Variants in ZNF395 observed in about 807,000 individuals in gnomAD.
The protein encoded by ZNF395 is HD gene regulatory region-binding protein 2.
ZNF395 carries 20 observed loss-of-function variants against 57.7 expected under a neutral mutation model. That is an observed-to-expected ratio of 0.35 (90% CI 0.24 to 0.50). ZNF395 has a LOEUF of 0.50. Ranked by LOEUF, ZNF395 falls within the 20% of genes least tolerant of loss-of-function variation. The pLI is 0.97. For synonymous variants in ZNF395, 295 were observed against 275.9 expected, an observed-to-expected ratio of 1.07 and a Z score of -0.69; for missense variants, 606 against 671.2, an observed-to-expected ratio of 0.90 and a Z score of 1.07.
intron 1 of ZNF395, among the ~76,000 whole-genome samples, chr8:28,378,821 G>C (rs527990769): frequency 6.6e-6 from 1 of 152,246 alleles, no homozygotes; most frequent in African/African-American, 2.4e-5. Flanking sequence ...AGCCCTACTT[G>C]AATACCGCCA....
intron 1 of ZNF395, among the ~76,000 whole-genome samples, chr8:28,380,942 G>T (rs1035276046): frequency 2.6e-5 from 4 of 151,752 alleles, no homozygotes; most frequent in African/African-American, 9.7e-5. Context: ...ACCTTCTGCA[G>T]GGCTCAAGCA....
At chr8:28,360,022 G>A (rs1326349233) in intron 2 of ZNF395, among the ~76,000 whole-genome samples, 198 bp from the exon 3 acceptor site, 2 of 152,158 alleles carry the variant, frequency 1.3e-5, no homozygotes, top group Non-Finnish European at 2.9e-5. Flanking sequence ...TTCCTCCCAA[G>A]ACAGATCCTT....
intron 1 of ZNF395, among the ~76,000 whole-genome samples, chr8:28,380,182 CTG>C (rs1185578471): frequency 6.6e-6 from 1 of 152,184 alleles, no homozygotes; most frequent in Non-Finnish European, 1.5e-5. Context: ...TGAATAATCT[CTG>C]TGCATAAATC....
chr8:28,378,931 C>T (rs1456542815), intron 1 of ZNF395, among the ~76,000 whole-genome samples: 3 of 152,188 alleles, frequency 2.0e-5, no homozygotes, highest in Non-Finnish European at 1.5e-5. Flanking sequence ...ATCTGCTGTC[C>T]CAGTCTTTCG....
rs1801782243 is a variant in ZNF395 at position 28,356,605 on chromosome 8, G to A, written c.583+65C>T. ...GGTGACATAGGCAACTAGCTGCTCT[G>A]CACAGAGGATGTTTGTCGTGGGCCT... On this transcript the variant is annotated intron_variant, in intron 4 of 9. Transcript: ENST00000344423. This position sits in a 1 kb window ranked among gnomAD's most constrained non-coding sequence, Gnocchi z 4.0. 2.4e-6 allele frequency: 3 copies of A among 1,274,884 alleles called. No homozygotes were observed. Among genetic ancestry groups the A allele is most frequent in the African/African-American group, 2.9e-5 (2 of 68,076 alleles). 79.0% of individuals were successfully genotyped at this position (1,274,884 alleles called of 1,614,324 possible).
intron 9 of ZNF395, 108 bp from the exon 10 acceptor site, chr8:28,348,938 C>CA (rs752610121): frequency 1.5e-5 from 19 of 1,275,528 alleles, no homozygotes; most frequent in Non-Finnish European, 2.1e-5. Flanking sequence ...CAGCTCCCGG[C>CA]AAAAGTCACC....
rs770184167 is a variant in ZNF395 at position 28,360,891 on chromosome 8, C to T, written c.234G>A (p.Gly78=). 8 of 1,613,694 alleles carry T rather than the reference C, an allele frequency of 5.0e-6. No homozygotes were observed. In the Admixed American group the frequency reaches 1.3e-4, roughly 27 times the overall value. The change falls in exon 2 of 10, where the codon GGG becomes GGA. Residue 78 remains glycine (G), a synonymous_variant. Transcript: ENST00000344423. The stretch of plus-strand genomic sequence containing the variant: ...CATGTTGGGATCAACCTACCTTCTG[C>T]CCAGGCTGAAAGGCCACCTGCTGAA... ...SGLQQVAFQP[G]QKVYVWYGGQ...
At chr8:28,351,836 AG>A (rs779802138) in intron 6 of ZNF395, 29 bp from the exon 7 acceptor site, 2 of 1,521,318 alleles carry the variant, frequency 1.3e-6, no homozygotes, top group South Asian at 2.5e-5. Context: ...CGGTATAATC[AG>A]GGGCACCCTG....
chr8:28,376,827 C>T (rs1239917165), intron 1 of ZNF395, among the ~76,000 whole-genome samples: 1 of 152,192 alleles, frequency 6.6e-6, no homozygotes, highest in Non-Finnish European at 1.5e-5. Flanking sequence ...TAGGTCCTGC[C>T]TATGCTTTTC....
intron 4 of ZNF395, among the ~76,000 whole-genome samples, chr8:28,355,746 T>A (rs1801771197): frequency 6.6e-6 from 1 of 152,232 alleles, no homozygotes. Flanking sequence ...CAGCTAGGTG[T>A]CCTCATAATG....
In ZNF395 at chr8:28,352,590, G is replaced by T. The variant is rs201835524; in HGVS notation, c.903C>A (p.Val301=). Residue 301 remains valine (V), a synonymous_variant, in exon 6 of 10, where the codon GTC becomes GTA. Transcript: ENST00000344423. The surrounding 1 kb of genome is among the most constrained non-coding windows in gnomAD (Gnocchi z 4.0). The part of the protein sequence containing the change: ...LRSIVGIKRH[V]KALHLGDTVD... ...GCACATACCCCAGATGGAGGGCTTT[G>T]ACGTGTCGTTTGATGCCCACAATGG... The T allele has an allele frequency of 9.6e-5, 155 of 1,614,150 alleles. No individual in the cohort carries two copies. Among genetic ancestry groups the T allele is most frequent in the Non-Finnish European group, 6.8e-6 (8 of 1,180,010 alleles).
chr8:28,348,925 G>T, intron 9 of ZNF395, 95 bp from the exon 10 acceptor site: 1 of 1,376,612 alleles, frequency 7.3e-7, no homozygotes, highest in East Asian at 2.3e-5. Context: ...GAGGCCAAAG[G>T]GGCAGCTCCC....
rs1802181366 is a variant in ZNF395, at chr8:28,386,329, G to GC, written c.-59+63dup. On this transcript the variant is annotated intron_variant, in intron 1 of 9. Transcript: ENST00000344423. ...CGACACTCGGGACACACCCCCGCCCGCCCCCCGCGCCTCCGCGCCCCCGCA... is the reference window on the plus strand; with the variant it reads ...CGACACTCGGGACACACCCCCGCCCGCCCCCCCGCGCCTCCGCGCCCCCGCA... 5.5e-5 allele frequency: 4 copies of GC among 72,276 alleles called. No homozygotes were observed. The South Asian group carries it at 1.9e-3, about 35-fold the overall frequency. 4.5% of individuals were successfully genotyped at this position (72,276 alleles called of 1,614,324 possible). A position where few individuals can be genotyped will look rare whatever the true frequency, so the allele number is the denominator to read the frequency against.
Position 28,348,706 on chromosome 8 carries a change from C to T in ZNF395, c.*13G>A, listed in dbSNP as rs1343350744. The T allele has an allele frequency of 1.5e-5, 24 of 1,612,578 alleles. No homozygotes were observed. Among genetic ancestry groups the T allele is most frequent in the Non-Finnish European group, 2.0e-5 (23 of 1,178,950 alleles). On this transcript the variant is annotated 3_prime_UTR_variant, in exon 10 of 10. Coordinates refer to ENST00000344423, the MANE Select transcript of ZNF395 (RefSeq NM_018660.3). ...CGGCAGGGCCAGGAACAGAGTAGAA[C>T]CTGCAGCACAGCTCAGTCCAGAAAG...
chr8:28,350,294 C>G, intron 7 of ZNF395, 138 bp from the exon 8 acceptor site: 1 of 711,348 alleles, frequency 1.4e-6, no homozygotes, highest in South Asian at 1.7e-5. Context: ...CTGGGACACA[C>G]TCGGCTTTCT....
intron 1 of ZNF395, among the ~76,000 whole-genome samples, chr8:28,383,252 A>G (rs1802131558): frequency 1.3e-5 from 2 of 152,176 alleles, no homozygotes; most frequent in South Asian, 4.1e-4. Flanking sequence ...AGATGTTGCA[A>G]GTTGAGGCTT....
Position 28,361,200 on chromosome 8 carries a change from C to T in ZNF395, c.-58-18G>A. 1 of 1,598,194 alleles carries T rather than the reference C, an allele frequency of 6.3e-7. No homozygotes were observed. On this transcript the variant is annotated intron_variant, in intron 1 of 9. Transcript: ENST00000344423. ...CCCATCACCTGGGGGAATCAGGAAG[C>T]TTTCAGGAGGGAGCCCCACACAGCA...
At chr8:28,351,382 G>C (rs939004916) in intron 7 of ZNF395, 113 bp downstream of exon 7, 18 of 1,184,360 alleles carry the variant, frequency 1.5e-5, no homozygotes, top group Non-Finnish European at 2.1e-5. Context: ...GAAGAGATTA[G>C]CAATTTGGCC....
At chr8:28,365,141 C>T (rs1000723310) in intron 1 of ZNF395, among the ~76,000 whole-genome samples, 17 of 152,348 alleles carry the variant, frequency 1.1e-4, no homozygotes, top group Middle Eastern at 6.8e-3. Flanking sequence ...CTCGATGCCT[C>T]GCCTGTGTTA....
Sources: allele counts gnomAD v4.1 joint callset (sites outside exome capture counted in the v4.1 genomes callset), GRCh38; gene constraint gnomAD v4.1.1; non-coding constraint Gnocchi (gnomAD v3.1); transcripts MANE v1.5; gene names NCBI Gene and HGNC (gene_info 2026-07-23, HGNC 2026-07-21).